EEF2K: variants seen among roughly 807,000 people sequenced by gnomAD.
EEF2K encodes eukaryotic elongation factor 2 kinase.
In EEF2K, 70 loss-of-function variants were observed where a neutral mutation model predicts 93.8. The observed-to-expected ratio is 0.75, with a 90% confidence interval of 0.62 to 0.91. EEF2K has a LOEUF of 0.91. Ranked by LOEUF, EEF2K falls within the 40% of genes least tolerant of loss-of-function variation. EEF2K has a pLI of 0.00. For missense variants in EEF2K, 935 were observed against 972.9 expected (o/e 0.96, Z 0.52); for synonymous variants, 376 against 380.8 (o/e 0.99, Z 0.15).
At chr16:22,239,148 ACT>A (rs1016696073) in intron 2 of EEF2K, among the ~76,000 whole-genome samples, 10 of 151,600 alleles carry the variant, frequency 6.6e-5, no homozygotes, top group East Asian at 1.9e-4. Context: ...GTCTGGCATG[ACT>A]CTGTTCTGGG....
intron 17 of EEF2K, 95 bp downstream of exon 17, chr16:22,280,471 C>A: frequency 8.0e-7 from 1 of 1,257,526 alleles, no homozygotes; most frequent in Non-Finnish European, 1.0e-6. Context: ...GACAAGATGA[C>A]AGGCTGAATC....
At chr16:22,238,667 GAAAAAA>G (rs10708756) in intron 2 of EEF2K, among the ~76,000 whole-genome samples, 1 of 93,472 alleles carries the variant, frequency 1.1e-5, no homozygotes, top group South Asian at 3.6e-4. Flanking sequence ...AAGAAAAAAG[GAAAAAA>G]AAAAAAAAAA....
At chr16:22,229,643 G>T (rs369521615) in intron 2 of EEF2K, among the ~76,000 whole-genome samples, 1 of 152,212 alleles carries the variant, frequency 6.6e-6, no homozygotes, top group Admixed American at 6.5e-5. Flanking sequence ...GGAGGTTGCA[G>T]TGAGCCAAGA....
chr16:22,275,157 G>A (rs2141686122), intron 16 of EEF2K, among the ~76,000 whole-genome samples: 1 of 152,216 alleles, frequency 6.6e-6, no homozygotes. Context: ...ATGGGGCGGG[G>A]CCTGGAGCTG....
Position 22,257,172 on chromosome 16 carries a change from G to T in EEF2K, c.769-81G>T, listed in dbSNP as rs1156827370. The T allele has an allele frequency of 1.4e-5, 22 of 1,592,758 alleles. No homozygotes were observed. The East Asian group carries it at 4.5e-4, about 32-fold the overall frequency. On this transcript the variant is annotated intron_variant, in intron 7 of 17. Coordinates refer to ENST00000263026, the MANE Select transcript of EEF2K (RefSeq NM_013302.5). ...AACTCCTTGAAGAGAAAGCCCCTCAGCATGGGCAGAGGCGTGGCCAGTGCC... is the reference window on the plus strand; with the variant it reads ...AACTCCTTGAAGAGAAAGCCCCTCATCATGGGCAGAGGCGTGGCCAGTGCC...
At chr16:22,239,684 G>A (rs944635652) in intron 2 of EEF2K, among the ~76,000 whole-genome samples, 10 of 152,158 alleles carry the variant, frequency 6.6e-5, no homozygotes, top group Admixed American at 3.3e-4. Flanking sequence ...GATGGCAAGC[G>A]CCTGTCATCC....
At chr16:22,243,687 C>T (rs1166794276) in intron 2 of EEF2K, among the ~76,000 whole-genome samples, 3 of 151,776 alleles carry the variant, frequency 2.0e-5, no homozygotes, top group South Asian at 2.1e-4. Flanking sequence ...TTTGGGAGGC[C>T]GAGGCTGGTG....
At chr16:22,254,658 T>C (rs944259992) in intron 6 of EEF2K, among the ~76,000 whole-genome samples, 9 of 152,142 alleles carry the variant, frequency 5.9e-5, no homozygotes, top group Non-Finnish European at 1.3e-4. Flanking sequence ...ACATAGACTT[T>C]ATAAAAACAA....
Position 22,256,784 on chromosome 16 carries a change from G to C in EEF2K, c.655G>C (p.Asp219His). ...GCAGATGTGCATCATCGAGCTGAAG[G>C]ACAGACCGGGCAAGCCCCTCTTCCA... Reference protein sequence around the residue: ...IMQMCIIELKDRPGKPLFHLE... With the variant: ...IMQMCIIELKHRPGKPLFHLE... Residue 219 changes from aspartate (D) to histidine (H), a missense_variant, in exon 7 of 18, where the codon GAC becomes CAC. Physicochemically the swap from Asp to His is moderately conservative, Grantham distance 81. Transcript: ENST00000263026. 1 of 1,614,152 alleles carries C rather than the reference G, an allele frequency of 6.2e-7. No homozygotes were observed. Among genetic ancestry groups the C allele is most frequent in the Non-Finnish European group, 8.5e-7 (1 of 1,180,032 alleles).
At position 22,245,075 on chromosome 16, in the gene EEF2K, G is replaced by A. The variant is rs565189140; in HGVS notation, c.347+345G>A. Reference sequence around the variant, plus strand: ...TCAGGAGTTCAAGACCAGCCTGGCCGACATGGTGAAACCCCATCTCTACTA... The same window carrying A: ...TCAGGAGTTCAAGACCAGCCTGGCCAACATGGTGAAACCCCATCTCTACTA... On this transcript the variant is annotated intron_variant, in intron 3 of 17. Transcript: ENST00000263026. 5.9e-5 allele frequency among the ~76,000 whole-genome samples: 9 copies of A among 151,880 alleles called. No homozygotes were observed. The East Asian group carries it at 9.7e-4, about 16-fold the overall frequency.
At chr16:22,269,455 G>A (rs1219363038) in intron 15 of EEF2K, among the ~76,000 whole-genome samples, 2 of 151,696 alleles carry the variant, frequency 1.3e-5, no homozygotes, top group African/African-American at 4.8e-5. Context: ...AGGCTGGAGT[G>A]CACTGGCAGG....
chr16:22,218,355 G>A (rs1020080445), intron 1 of EEF2K, among the ~76,000 whole-genome samples: 1 of 152,222 alleles, frequency 6.6e-6, no homozygotes, highest in Non-Finnish European at 1.5e-5. Context: ...CCAGCTCGGG[G>A]TGCCACGTTA....
intron 11 of EEF2K, 103 bp downstream of exon 11, chr16:22,260,632 C>T (rs2047453764): frequency 2.1e-6 from 3 of 1,424,886 alleles, no homozygotes; most frequent in Non-Finnish European, 2.9e-6. Flanking sequence ...GGCAGCCTAG[C>T]CCAGGCACTG....
At chr16:22,270,925 T>A (rs1302961298) in intron 15 of EEF2K, among the ~76,000 whole-genome samples, 1 of 151,816 alleles carries the variant, frequency 6.6e-6, no homozygotes, top group Non-Finnish European at 1.5e-5. Context: ...TATATATGTG[T>A]GTATATATGT....
chr16:22,251,406 A>C, intron 6 of EEF2K, 84 bp downstream of exon 6: 3 of 1,355,470 alleles, frequency 2.2e-6, no homozygotes, highest in Admixed American at 2.8e-5. Flanking sequence ...GTGAATCCCT[A>C]TTTCACCTTC....
chr16:22,275,423 A>C (rs1323035491), intron 16 of EEF2K, among the ~76,000 whole-genome samples: 1 of 151,796 alleles, frequency 6.6e-6, no homozygotes, highest in African/African-American at 2.4e-5. Flanking sequence ...GCTCACTGCA[A>C]CCTCCACCTC....
At chr16:22,247,752 T>A (rs1191705493) in intron 3 of EEF2K, among the ~76,000 whole-genome samples, 2 of 152,184 alleles carry the variant, frequency 1.3e-5, no homozygotes, top group East Asian at 3.9e-4. Flanking sequence ...GGCTTCCGTG[T>A]CACATAAAAC....
At chr16:22,283,672 G>T (rs927068449) in intron 17 of EEF2K, among the ~76,000 whole-genome samples, 1 of 152,146 alleles carries the variant, frequency 6.6e-6, no homozygotes, top group Non-Finnish European at 1.5e-5. Flanking sequence ...CTGTAGCTTG[G>T]TGGGGGATAG....
chr16:22,230,803 T>G (rs992392406), intron 2 of EEF2K, among the ~76,000 whole-genome samples: 4 of 152,216 alleles, frequency 2.6e-5, no homozygotes, highest in Admixed American at 6.5e-5. Flanking sequence ...TGTTTTACAT[T>G]TTTTTGTAGA....
Sources: allele counts gnomAD v4.1 joint callset (sites outside exome capture counted in the v4.1 genomes callset), GRCh38; gene constraint gnomAD v4.1.1; transcripts MANE v1.5; gene names NCBI Gene and HGNC (gene_info 2026-07-23, HGNC 2026-07-21).